Variants in NTPCR observed in about 807,000 individuals in gnomAD.
NTPCR encodes the protein cancer-related nucleoside-triphosphatase.
NTPCR carries 15 observed loss-of-function variants against 19.5 expected under a neutral mutation model. The ratio of observed to expected loss-of-function variants is 0.77; its 90% CI spans 0.51 to 1.18. The LOEUF is 1.18. Ranked by LOEUF, NTPCR falls within the 50% of genes most tolerant of loss-of-function variation. The pLI is 0.00. For missense variants in NTPCR, 206 were observed against 240.4 expected (o/e 0.86, Z 0.95); for synonymous variants, 90 against 95.8 (o/e 0.94, Z 0.36).
chr1:232,959,383 C>T (rs1392704405), intron 3 of NTPCR, among the ~76,000 whole-genome samples: 1 of 152,142 alleles, frequency 6.6e-6, no homozygotes, highest in Non-Finnish European at 1.5e-5. Flanking sequence ...GTCAATTACA[C>T]CTCTTTTGTT....
At chr1:232,956,297 A>G in intron 2 of NTPCR, 50 bp from the exon 3 acceptor site, 1 of 1,362,452 alleles carries the variant, frequency 7.3e-7, no homozygotes, top group East Asian at 2.3e-5. Flanking sequence ...TAAAAACCAG[A>G]AATCAATACA....
At chr1:232,953,814 T>C (rs1313839564) in intron 1 of NTPCR, among the ~76,000 whole-genome samples, 1 of 152,200 alleles carries the variant, frequency 6.6e-6, no homozygotes, top group Non-Finnish European at 1.5e-5. Context: ...TCATACATTG[T>C]GGTCTATTTT....
Position 232,981,052 on chromosome 1 carries a change from GGGAGGA to G in NTPCR, c.*2822_*2827del, listed in dbSNP as rs1669269323. 6.6e-6 allele frequency: 1 copy of G among 152,220 alleles called. No homozygotes were observed. Among genetic ancestry groups the G allele is most frequent in the African/African-American group, 2.4e-5 (1 of 41,456 alleles). The allele number at this position is 152,220 out of a possible 1,614,324, so 9.4% of individuals were successfully genotyped here. ...CTCAGCTAGAATAACAAGGTCGGAT[GGGAGGA>G]ATCAGGACTGATTTGAAGCACGATT... is the stretch of plus-strand genomic sequence containing the variant. On this transcript the variant is annotated 3_prime_UTR_variant, in exon 5 of 5. Transcript: ENST00000366628.
At chr1:232,977,937 C>A (rs1348177226) in intron 4 of NTPCR, among the ~76,000 whole-genome samples, 1 of 152,198 alleles carries the variant, frequency 6.6e-6, no homozygotes. Flanking sequence ...GGGCTCCAAA[C>A]CCACTTTGAC....
At chr1:232,961,999 T>G (rs1668680188) in intron 3 of NTPCR, 1 of 152,240 alleles carries the variant, frequency 6.6e-6, no homozygotes, top group African/African-American at 2.4e-5. Flanking sequence ...GTTTTTATTT[T>G]TCTTCTTCAA....
At chr1:232,953,597 C>T (rs1028385931) in intron 1 of NTPCR, among the ~76,000 whole-genome samples, 2 of 146,710 alleles carry the variant, frequency 1.4e-5, no homozygotes, top group African/African-American at 5.1e-5. Flanking sequence ...AAGACCCATT[C>T]AGTATAAGAA....
chr1:232,959,517 T>G (rs1183173455), intron 3 of NTPCR, among the ~76,000 whole-genome samples: 1 of 152,164 alleles, frequency 6.6e-6, no homozygotes, highest in Non-Finnish European at 1.5e-5. Context: ...ATACATATTT[T>G]ATGGGAATGA....
chr1:232,977,824 C>T (rs1231071472), intron 4 of NTPCR, among the ~76,000 whole-genome samples: 1 of 152,166 alleles, frequency 6.6e-6, no homozygotes, highest in African/African-American at 2.4e-5. Context: ...TCCTTCCATT[C>T]AGGACAGGTC....
intron 3 of NTPCR, chr1:232,965,170 T>C (rs1002688563): frequency 3.9e-5 from 6 of 152,260 alleles, no homozygotes; most frequent in African/African-American, 1.4e-4. Context: ...TATGCCTCCA[T>C]AGATCCCTAA....
Position 232,955,698 on chromosome 1 carries a change from G to C in NTPCR, c.176G>C (p.Arg59Pro). Reference protein sequence around the residue: ...GFDVVTLSGTRGPLSRVGLEP... With the variant: ...GFDVVTLSGTPGPLSRVGLEP... ...GATGTCGTCACGTTGTCCGGCACCC[G>C]GGGGCCTTTATCGAGAGTTGGGTAC... Residue 59 changes from arginine to proline, a missense_variant, in exon 2 of 5, where the codon CGG (arginine) becomes CCG (proline). Coordinates refer to ENST00000366628, the MANE Select transcript of NTPCR (RefSeq NM_032324.3). 6.2e-7 allele frequency: 1 copy of C among 1,612,946 alleles called. No homozygotes were observed. Among genetic ancestry groups the C allele is most frequent in the Non-Finnish European group, 8.5e-7 (1 of 1,179,262 alleles).
At chr1:232,969,802 G>T (rs560711298) in intron 3 of NTPCR, 107 bp from the exon 4 acceptor site, 16 of 902,156 alleles carry the variant, frequency 1.8e-5, no homozygotes, top group Admixed American at 4.0e-5. Context: ...CCAGTAAAAA[G>T]GTTTCTGTCT....
chr1:232,959,574 A>G (rs1247901465), intron 3 of NTPCR, among the ~76,000 whole-genome samples: 2 of 152,194 alleles, frequency 1.3e-5, no homozygotes, highest in East Asian at 1.9e-4. Flanking sequence ...AAAGAAAAAA[A>G]TGAAAAGAAT....
At chr1:232,963,418 C>T (rs576220096) in intron 3 of NTPCR, 12 of 152,282 alleles carry the variant, frequency 7.9e-5, no homozygotes, top group African/African-American at 2.9e-4. Context: ...TCATGTCTTT[C>T]TTCTTGCAGT....
intron 3 of NTPCR, chr1:232,962,256 T>A (rs984744803): frequency 1.3e-4 from 20 of 152,266 alleles, no homozygotes; most frequent in South Asian, 4.1e-4. Flanking sequence ...TTAAAAAAAA[T>A]GTCTTATATG....
chr1:232,953,239 AG>A (rs78600408), intron 1 of NTPCR, among the ~76,000 whole-genome samples: 32,666 of 151,988 alleles, frequency 0.21, 3,533 homozygotes, highest in Non-Finnish European at 0.23. Flanking sequence ...TCTTTATCTG[AG>A]GATCTGCTTA....
chr1:232,961,173 C>T (rs1668659436), intron 3 of NTPCR, among the ~76,000 whole-genome samples: 1 of 152,206 alleles, frequency 6.6e-6, no homozygotes, highest in Admixed American at 6.5e-5. Context: ...AACTATTACT[C>T]CCTCAGTGTT....
intron 3 of NTPCR, among the ~76,000 whole-genome samples, chr1:232,957,676 A>G (rs1317775283): frequency 6.6e-6 from 1 of 152,202 alleles, no homozygotes; most frequent in East Asian, 1.9e-4. Flanking sequence ...TCAGATATTT[A>G]TCAAGTACTG....
In NTPCR at chr1:232,950,630, A is replaced by AC; in HGVS notation, c.-78dup. On this transcript the variant is annotated 5_prime_UTR_variant, in exon 1 of 5. Transcript: ENST00000366628. ...CGCGGTGGGCGGGTCCTGAGTCGCG[A>AC]CCCTGGTCCGGACCTGACCTGAATT... The AC allele has an allele frequency of 5.0e-6, 6 of 1,191,088 alleles. No individual in the cohort carries two copies. The South Asian group carries it at 7.5e-5, about 15-fold the overall frequency. The allele number at this position is 1,191,088 out of a possible 1,614,324, so 73.8% of individuals were successfully genotyped here. A position where few individuals can be genotyped will look rare whatever the true frequency, so the allele number is the denominator to read the frequency against.
intron 1 of NTPCR, chr1:232,951,039 TGTTGAC>T (rs1365149669): frequency 2.5e-6 from 1 of 403,234 alleles, no homozygotes; most frequent in Non-Finnish European, 4.4e-6. Context: ...CCTACTGTAG[TGTTGAC>T]GTTGTGGTCT....
Sources: allele counts gnomAD v4.1 joint callset (sites outside exome capture counted in the v4.1 genomes callset), GRCh38; gene constraint gnomAD v4.1.1; transcripts MANE v1.5; gene names NCBI Gene and HGNC (gene_info 2026-07-23, HGNC 2026-07-21).